Variants in ANKRD36C observed in about 807,000 individuals in gnomAD.
ANKRD36C encodes ankyrin repeat domain 36C.
In ANKRD36C, 61 loss-of-function variants were observed where a neutral mutation model predicts 276.4. That is an observed-to-expected ratio of 0.22 (90% CI 0.18 to 0.27). The LOEUF (loss-of-function observed/expected upper bound fraction) is 0.27. ANKRD36C is among the 10% of genes least tolerant of loss of function. The pLI, the probability that ANKRD36C is intolerant of heterozygous loss-of-function variation, is 1.00. For synonymous variants in ANKRD36C, 483 were observed against 680.1 expected (o/e 0.71, Z 4.51); for missense variants, 1,447 against 2,032.3 (o/e 0.71, Z 5.54).
chr2:95,857,800 G>C (rs1233484589), intron 61 of ANKRD36C, among the ~76,000 whole-genome samples: 2 of 146,440 alleles, frequency 1.4e-5, no homozygotes, highest in Non-Finnish European at 3.1e-5. Flanking sequence ...TTTCCCCTTT[G>C]TTTTCCTTCC....
At chr2:95,926,562 C>G (rs1338855848) in intron 28 of ANKRD36C, among the ~76,000 whole-genome samples, 2 of 151,546 alleles carry the variant, frequency 1.3e-5, no homozygotes, top group Admixed American at 6.6e-5. Context: ...TGATGCCCAA[C>G]AGTAACAAAG....
At chr2:95,944,537 A>T in intron 19 of ANKRD36C, 90 bp downstream of exon 19, 1 of 1,285,778 alleles carries the variant, frequency 7.8e-7, no homozygotes, top group Non-Finnish European at 1.1e-6. Context: ...CCATTGTAAA[A>T]TTAAAGATCA....
At chr2:95,910,119 C>T (rs929250303) in intron 42 of ANKRD36C, among the ~76,000 whole-genome samples, 1 of 151,246 alleles carries the variant, frequency 6.6e-6, no homozygotes, top group African/African-American at 2.4e-5. Context: ...TTCCCCAGAG[C>T]CCCTTATGTC....
chr2:95,954,163 A>G (rs551821471), intron 13 of ANKRD36C, among the ~76,000 whole-genome samples, 158 bp from the exon 14 acceptor site: 6 of 152,426 alleles, frequency 3.9e-5, no homozygotes, highest in Non-Finnish European at 8.8e-5. Context: ...TCTTGGTATA[A>G]TTAAGATATG....
intron 6 of ANKRD36C, among the ~76,000 whole-genome samples, chr2:95,973,707 T>A (rs1172574682): frequency 6.6e-6 from 1 of 152,126 alleles, no homozygotes; most frequent in Non-Finnish European, 1.5e-5. Flanking sequence ...TGGGTTTTTC[T>A]TATTAAGGGC....
intron 4 of ANKRD36C, among the ~76,000 whole-genome samples, chr2:95,981,157 G>A (rs1012985025): frequency 2.0e-5 from 3 of 151,800 alleles, no homozygotes; most frequent in Admixed American, 6.6e-5. Context: ...GGTCAGATAA[G>A]AGCTATCTGC....
chr2:95,890,003 C>T lies in ANKRD36C; in HGVS notation c.2858-9G>A. 1 of 1,605,716 alleles carries T rather than the reference C, an allele frequency of 6.2e-7. No homozygotes were observed. The highest frequency in any genetic ancestry group is 1.1e-5 in the South Asian group (1 of 90,486). ...TTGTTTATGAGAAGACACTGAAAAGCAAAAAGGATACATAATCACTCATAC... is the reference window on the plus strand; with the variant it reads ...TTGTTTATGAGAAGACACTGAAAAGTAAAAAGGATACATAATCACTCATAC... On this transcript the variant is annotated splice_polypyrimidine_tract_variant and intron_variant, in intron 46 of 66. Coordinates refer to ENST00000456556, the Ensembl canonical transcript of ANKRD36C.
At chr2:95,887,895 C>T (rs992392298) in intron 50 of ANKRD36C, 30 bp downstream of exon 70, 5 of 1,558,952 alleles carry the variant, frequency 3.2e-6, no homozygotes, top group Non-Finnish European at 4.3e-6. Flanking sequence ...CTGGACTGAA[C>T]ATGACATTAA....
chr2:95,907,251 C>T (rs1676772859), intron 42 of ANKRD36C: 1 of 44,736 alleles, frequency 2.2e-5, no homozygotes, highest in African/African-American at 9.2e-5. Flanking sequence ...TCATCATGCT[C>T]TTTAACTTGC....
chr2:95,927,427 T>C lies in ANKRD36C; in HGVS notation c.1838-18A>G, dbSNP rs774876544. On this transcript the variant is annotated intron_variant, in intron 26 of 66. Transcript: ENST00000456556. ...AGAAGACACTGAAAAGCAAAAGGGA[T>C]ACATAATCACTCACATGTACATATG... The C allele has an allele frequency of 1.4e-5, 22 of 1,605,632 alleles. No individual in the cohort carries two copies. The East Asian group carries it at 4.9e-4, about 36-fold the overall frequency.
intron 44 of ANKRD36C, among the ~76,000 whole-genome samples, 151 bp from the exon 61 acceptor site, chr2:95,895,741 G>T (rs1228045951): frequency 6.6e-6 from 1 of 151,022 alleles, no homozygotes; most frequent in Admixed American, 6.6e-5. Context: ...ACCAGAAGGT[G>T]ACAGAAATAC....
At chr2:95,965,223 C>T (rs1197179729) in intron 6 of ANKRD36C, among the ~76,000 whole-genome samples, 1 of 151,950 alleles carries the variant, frequency 6.6e-6, no homozygotes, top group African/African-American at 2.4e-5. Context: ...TACACACACA[C>T]ACACAAACAC....
intron 3 of ANKRD36C, among the ~76,000 whole-genome samples, chr2:95,983,063 C>T (rs555618469): frequency 1.3e-5 from 2 of 151,728 alleles, no homozygotes; most frequent in Admixed American, 6.5e-5. Flanking sequence ...CTCTGGGTGA[C>T]ACACACTTGC....
At chr2:95,991,775 A>C in exon 1 of ANKRD36C, 1 of 1,482,106 alleles carries the variant, frequency 6.7e-7, no homozygotes, top group East Asian at 2.3e-5. Flanking sequence ...GCCGCCTCCG[A>C]AGAGCAACAA....
At chr2:95,857,153 A>G (rs1316186608) in intron 62 of ANKRD36C, among the ~76,000 whole-genome samples, 156 bp downstream of exon 82, 1 of 152,154 alleles carries the variant, frequency 6.6e-6, no homozygotes, top group Non-Finnish European at 1.5e-5. Context: ...AAGATTTATT[A>G]TAAATAATTA....
intron 59 of ANKRD36C, among the ~76,000 whole-genome samples, chr2:95,874,348 A>C (rs1675889956): frequency 1.3e-5 from 2 of 152,232 alleles, no homozygotes; most frequent in African/African-American, 4.8e-5. Flanking sequence ...CCAATGGAAC[A>C]GAATAGAGCC....
chr2:95,980,420 A>G (rs1408876659), intron 5 of ANKRD36C, among the ~76,000 whole-genome samples: 11 of 152,114 alleles, frequency 7.2e-5, no homozygotes, highest in African/African-American at 2.7e-4. Flanking sequence ...AAAGTCCTGA[A>G]AGTTTCAATA....
chr2:95,965,503 G>T (rs1258384923), intron 6 of ANKRD36C, among the ~76,000 whole-genome samples: 3 of 152,150 alleles, frequency 2.0e-5, no homozygotes, highest in East Asian at 1.9e-4. Context: ...ATGTCGAAAA[G>T]ACATGCTTTA....
chr2:95,897,527 T>C, intron 44 of ANKRD36C, 62 bp from the exon 59 acceptor site: 2 of 1,511,866 alleles, frequency 1.3e-6, no homozygotes, highest in Non-Finnish European at 8.9e-7. Flanking sequence ...ATCCACATAT[T>C]CATGCAGTGT....
Sources: allele counts gnomAD v4.1 joint callset (sites outside exome capture counted in the v4.1 genomes callset), GRCh38; gene constraint gnomAD v4.1.1; transcripts MANE v1.5; gene names NCBI Gene and HGNC (gene_info 2026-07-23, HGNC 2026-07-21).